The following P2RX7 variants were observed in gnomAD, a reference collection of about 807,000 sequenced individuals.
The protein encoded by P2RX7 is P2X purinoceptor 7.
In P2RX7, 62 loss-of-function variants were observed where a neutral mutation model predicts 71.6. The ratio of observed to expected loss-of-function variants is 0.87; its 90% CI spans 0.71 to 1.07. P2RX7 has a LOEUF of 1.07. Ranked by LOEUF, P2RX7 falls within the 50% of genes least tolerant of loss-of-function variation. The pLI, the probability that P2RX7 is intolerant of heterozygous loss-of-function variation, is 0.00. For synonymous variants in P2RX7, 299 were observed against 283.3 expected, an observed-to-expected ratio of 1.06 and a Z score of -0.56; for missense variants, 686 against 748.5, an observed-to-expected ratio of 0.92 and a Z score of 0.97.
intron 1 of P2RX7, among the ~76,000 whole-genome samples, chr12:121,139,596 G>A (rs1397374630): frequency 6.6e-6 from 1 of 152,144 alleles, no homozygotes; most frequent in Non-Finnish European, 1.5e-5. Context: ...TTTCCCAGTG[G>A]GTGGCCACAA....
At chr12:121,174,419 G>T (rs1290826801) in intron 8 of P2RX7, among the ~76,000 whole-genome samples, 1 of 152,110 alleles carries the variant, frequency 6.6e-6, no homozygotes, top group East Asian at 1.9e-4. Context: ...TACTTGGGAG[G>T]CTGAGGTGGG....
intron 8 of P2RX7, among the ~76,000 whole-genome samples, chr12:121,173,081 T>C (rs79396321): frequency 0.032 from 4,820 of 152,302 alleles, 252 homozygotes; most frequent in African/African-American, 0.11. Flanking sequence ...GAGGGTTGCA[T>C]ATCACGGGTG....
rs1876952145 is a variant in P2RX7, at chr12:121,149,491, A to G, written c.126-5294A>G. Among the ~76,000 whole-genome samples, 1 of 152,220 alleles carries G rather than the reference A, an allele frequency of 6.6e-6. No homozygotes were observed. Among genetic ancestry groups the G allele is most frequent in the Non-Finnish European group, 1.5e-5 (1 of 68,034 alleles). On this transcript the variant is annotated intron_variant, in intron 1 of 12. Coordinates refer to ENST00000328963, the MANE Select transcript of P2RX7 (RefSeq NM_002562.6). This position sits in a 1 kb window ranked among gnomAD's most constrained non-coding sequence, Gnocchi z 4.7. Reference sequence around the variant, plus strand: ...GGTGGCAGGCAAAAAGTGAATGACAACCAAGCAAAAGAAGAAACCTCTTAT... The same window carrying G: ...GGTGGCAGGCAAAAAGTGAATGACAGCCAAGCAAAAGAAGAAACCTCTTAT...
intron 1 of P2RX7, among the ~76,000 whole-genome samples, chr12:121,152,228 A>T (rs142024900): frequency 6.6e-6 from 1 of 152,180 alleles, no homozygotes; most frequent in South Asian, 2.1e-4. Flanking sequence ...TGATCCACCC[A>T]CCTTGGCCTC....
At chr12:121,136,023 A>AAAAAAAAAATATATATATATATATAT in intron 1 of P2RX7, among the ~76,000 whole-genome samples, 1 of 15,262 alleles carries the variant, frequency 6.6e-5, no homozygotes, top group Non-Finnish European at 1.8e-4. Context: ...AAAAAAAAAA[A>AAAAAAAAAATATATATATATATATAT]ATATATATAT....
chr12:121,173,575 C>T (rs1388588951), intron 8 of P2RX7, among the ~76,000 whole-genome samples: 1 of 152,128 alleles, frequency 6.6e-6, no homozygotes, highest in Non-Finnish European at 1.5e-5. Context: ...TAGACAGGGC[C>T]ACAGGAGGAA....
At chr12:121,166,326 CT>C in intron 7 of P2RX7, 139 bp downstream of exon 7, 1 of 854,420 alleles carries the variant, frequency 1.2e-6, no homozygotes, top group African/African-American at 1.7e-5. Context: ...ACCCGCTACG[CT>C]AAGGACTTTA....
rs538544250 is a variant in P2RX7, at chr12:121,149,775, G to C, written c.126-5010G>C. Among the ~76,000 whole-genome samples the C allele has an allele frequency of 6.6e-6, 1 of 151,950 alleles. No homozygotes were observed. Among genetic ancestry groups the C allele is most frequent in the Non-Finnish European group, 1.5e-5 (1 of 67,998 alleles). On this transcript the variant is annotated intron_variant, in intron 1 of 12. Coordinates refer to ENST00000328963, the MANE Select transcript of P2RX7 (RefSeq NM_002562.6). This position sits in a 1 kb window ranked among gnomAD's most constrained non-coding sequence, Gnocchi z 4.7. ...TTAGAGACTGGAGTCTCACTGTGTT[G>C]CCCAGGCTTGTCTTGAACTCCTGGG...
At chr12:121,145,785 C>T (rs952409029) in intron 1 of P2RX7, among the ~76,000 whole-genome samples, 1 of 152,114 alleles carries the variant, frequency 6.6e-6, no homozygotes, top group Non-Finnish European at 1.5e-5. Context: ...GGATTACAGG[C>T]GTGAGCCACC....
intron 1 of P2RX7, among the ~76,000 whole-genome samples, chr12:121,140,129 G>A (rs1874539158): frequency 6.6e-6 from 1 of 152,174 alleles, no homozygotes; most frequent in Non-Finnish European, 1.5e-5. Flanking sequence ...TGAGGGGAAG[G>A]TCAGAGGTAA....
intron 1 of P2RX7, among the ~76,000 whole-genome samples, chr12:121,142,542 G>A (rs563250148): frequency 2.6e-5 from 4 of 152,188 alleles, no homozygotes; most frequent in African/African-American, 7.2e-5. Flanking sequence ...GAGTCTCACC[G>A]TCTTGCCCAG....
At chr12:121,179,864 G>A (rs182602468) in intron 11 of P2RX7, among the ~76,000 whole-genome samples, 245 of 152,180 alleles carry the variant, frequency 1.6e-3, no homozygotes, top group African/African-American at 5.8e-3. Context: ...GATGCATGGG[G>A]TTCCGCCTGG....
chr12:121,166,644 G>A (rs753427348), intron 7 of P2RX7, among the ~76,000 whole-genome samples: 4 of 152,086 alleles, frequency 2.6e-5, no homozygotes, highest in Non-Finnish European at 4.4e-5. Flanking sequence ...TCCCTATCCT[G>A]TGTCCAATCT....
chr12:121,177,274 G>A (rs1352183219), intron 10 of P2RX7, 23 bp from the exon 11 acceptor site: 3 of 1,614,128 alleles, frequency 1.9e-6, no homozygotes, highest in South Asian at 1.1e-5. Context: ...GACTAACGCA[G>A]CGCTTGTCTG....
At chr12:121,177,107 C>G in intron 9 of P2RX7, 40 bp from the exon 10 acceptor site, 1 of 1,582,906 alleles carries the variant, frequency 6.3e-7, no homozygotes, top group South Asian at 1.1e-5. Flanking sequence ...GAGCGTTGCT[C>G]TGAATTTCAC....
At chr12:121,183,005 A>G (rs1198546260) in intron 12 of P2RX7, among the ~76,000 whole-genome samples, 1 of 151,854 alleles carries the variant, frequency 6.6e-6, no homozygotes, top group Non-Finnish European at 1.5e-5. Flanking sequence ...GTGAAACCCC[A>G]TCTCTACTAA....
chr12:121,147,432 G>T (rs1406484253), intron 1 of P2RX7, among the ~76,000 whole-genome samples: 2 of 152,046 alleles, frequency 1.3e-5, no homozygotes, highest in African/African-American at 2.4e-5. Flanking sequence ...ACTATATTAG[G>T]GTTACCAAAA....
chr12:121,183,729 C>G (rs780648932), intron 12 of P2RX7, among the ~76,000 whole-genome samples: 5 of 151,992 alleles, frequency 3.3e-5, no homozygotes, highest in Middle Eastern at 3.2e-3. Context: ...GAGGTGACAT[C>G]TCAACAGAGG....
intron 1 of P2RX7, among the ~76,000 whole-genome samples, chr12:121,151,245 CTTTTT>C (rs907199510): frequency 1.1e-4 from 16 of 144,348 alleles, no homozygotes; most frequent in African/African-American, 3.8e-4. Context: ...AAATGAAATC[CTTTTT>C]TTTTTTTTTC....
Sources: allele counts gnomAD v4.1 joint callset (sites outside exome capture counted in the v4.1 genomes callset), GRCh38; gene constraint gnomAD v4.1.1; non-coding constraint Gnocchi (gnomAD v3.1); transcripts MANE v1.5; gene names NCBI Gene and HGNC (gene_info 2026-07-23, HGNC 2026-07-21).